Variants in ARID5B observed in about 807,000 individuals in gnomAD.
ARID5B encodes the protein AT-rich interaction domain 5B.
ARID5B carries 13 observed loss-of-function variants against 97.2 expected under a neutral mutation model. The ratio of observed to expected loss-of-function variants is 0.13; its 90% CI spans 0.09 to 0.21. The LOEUF (loss-of-function observed/expected upper bound fraction) is 0.21, where lower values mean the gene tolerates loss of function less well. Ranked by LOEUF, ARID5B falls within the 10% of genes least tolerant of loss-of-function variation. The pLI, the probability that ARID5B is intolerant of heterozygous loss-of-function variation, is 1.00. For missense variants in ARID5B, 1,210 were observed against 1,465.3 expected, an observed-to-expected ratio of 0.83 and a Z score of 2.84; for synonymous variants, 556 against 570.3, an observed-to-expected ratio of 0.97 and a Z score of 0.36.
chr10:61,974,192 A>T (rs1046936215), intron 3 of ARID5B, among the ~76,000 whole-genome samples: 1 of 152,250 alleles, frequency 6.6e-6, no homozygotes, highest in Non-Finnish European at 1.5e-5. Context: ...TTATTTCCGC[A>T]AGACAATGAG....
At chr10:61,913,767 T>C (rs1843849453) in intron 2 of ARID5B, among the ~76,000 whole-genome samples, 1 of 152,224 alleles carries the variant, frequency 6.6e-6, no homozygotes, top group South Asian at 2.1e-4. Context: ...TTGTTTGTTT[T>C]TGAGATGGAG....
chr10:62,027,242 G>GA (rs1839432018), intron 4 of ARID5B, among the ~76,000 whole-genome samples: 2 of 132,268 alleles, frequency 1.5e-5, no homozygotes, highest in Admixed American at 8.0e-5. Flanking sequence ...CCTGCAACAT[G>GA]AAAAGTCTTC....
intron 2 of ARID5B, among the ~76,000 whole-genome samples, chr10:61,903,372 C>A (rs1240193765): frequency 6.6e-6 from 1 of 152,218 alleles, no homozygotes; most frequent in Non-Finnish European, 1.5e-5. Flanking sequence ...CACTGGGCGC[C>A]GGGGCGGCCG....
intron 3 of ARID5B, among the ~76,000 whole-genome samples, chr10:61,988,213 G>A (rs536426431): frequency 2.0e-5 from 3 of 152,334 alleles, no homozygotes; most frequent in African/African-American, 4.8e-5. Context: ...GTTTCCAGTA[G>A]GTTTCATAAG....
chr10:62,006,124 A>G (rs1179664416), intron 4 of ARID5B, among the ~76,000 whole-genome samples: 1 of 152,168 alleles, frequency 6.6e-6, no homozygotes, highest in Non-Finnish European at 1.5e-5. Context: ...GAAATTTTCT[A>G]GAGGTTTTGT....
intron 4 of ARID5B, among the ~76,000 whole-genome samples, chr10:62,035,867 CA>C (rs1447893769): frequency 6.6e-6 from 1 of 152,116 alleles, no homozygotes; most frequent in African/African-American, 2.4e-5. Context: ...TCTTGTCACC[CA>C]GGCTGGAGTG....
intron 2 of ARID5B, among the ~76,000 whole-genome samples, chr10:61,920,795 TG>T (rs561049044): frequency 1.3e-5 from 2 of 152,180 alleles, no homozygotes; most frequent in Non-Finnish European, 2.9e-5. Context: ...CAGGGTACTA[TG>T]GGGGGTGATA....
chr10:61,998,345 T>A (rs562898189), intron 3 of ARID5B, among the ~76,000 whole-genome samples: 2 of 152,200 alleles, frequency 1.3e-5, no homozygotes, highest in African/African-American at 4.8e-5. Flanking sequence ...CCCTGCAGCA[T>A]GGTAAGGGCT....
chr10:61,930,722 AAAATAAAT>A (rs55665606), intron 2 of ARID5B, among the ~76,000 whole-genome samples: 71 of 140,436 alleles, frequency 5.1e-4, no homozygotes, highest in African/African-American at 1.8e-3. Context: ...TCCGCCTCAA[AAAATAAAT>A]AAATAAATAA....
rs1316263671 is a variant in ARID5B, at chr10:62,095,387, G to T, written c.*2357G>T. The stretch of plus-strand genomic sequence containing the variant: ...TTCGTGTCTCAAAAAAAAAAGGAGG[G>T]GGGGCATCTGTCCCCGGTGGAGCTC... On this transcript the variant is annotated 3_prime_UTR_variant, in exon 10 of 10. Coordinates refer to ENST00000279873, the MANE Select transcript of ARID5B (RefSeq NM_032199.3). 2.6e-5 allele frequency: 6 copies of T among 233,384 alleles called. No individual in the cohort carries two copies. The highest frequency in any genetic ancestry group is 5.1e-5 in the Non-Finnish European group (6 of 118,004). 14.5% of individuals were successfully genotyped at this position (233,384 alleles called of 1,614,324 possible). A position where few individuals can be genotyped will look rare whatever the true frequency, so the allele number is the denominator to read the frequency against.
intron 3 of ARID5B, among the ~76,000 whole-genome samples, chr10:61,948,435 C>G (rs542585181): frequency 8.3e-6 from 1 of 120,048 alleles, no homozygotes; most frequent in Non-Finnish European, 1.6e-5. Flanking sequence ...AGGCTGGATT[C>G]GGATCCCTGC....
intron 7 of ARID5B, among the ~76,000 whole-genome samples, chr10:62,065,374 C>T (rs894336191): frequency 1.3e-5 from 2 of 152,192 alleles, no homozygotes; most frequent in African/African-American, 4.8e-5. Context: ...CCATCTCACA[C>T]TCTACCCTCC....
chr10:61,911,647 G>A (rs1168304980), intron 2 of ARID5B, among the ~76,000 whole-genome samples: 1 of 152,176 alleles, frequency 6.6e-6, no homozygotes, highest in African/African-American at 2.4e-5. Flanking sequence ...CACTGCACGA[G>A]CGGCACCCAG....
At chr10:61,983,779 A>G (rs1462860640) in intron 3 of ARID5B, among the ~76,000 whole-genome samples, 1 of 152,042 alleles carries the variant, frequency 6.6e-6, no homozygotes, top group African/African-American at 2.4e-5. Flanking sequence ...AAATATTTAA[A>G]TGGTAGACTA....
chr10:61,950,356 G>C (rs970424097), intron 3 of ARID5B, among the ~76,000 whole-genome samples: 1 of 152,046 alleles, frequency 6.6e-6, no homozygotes, highest in African/African-American at 2.4e-5. Flanking sequence ...CACTGACTCT[G>C]TACCTCAGAT....
rs527651554 is a variant in ARID5B at position 61,950,083 on chromosome 10, C to T, written c.502+9675C>T. Among the ~76,000 whole-genome samples the T allele has an allele frequency of 7.2e-5, 11 of 152,302 alleles. No homozygotes were observed. The South Asian group carries it at 2.3e-3, about 32-fold the overall frequency. On this transcript the variant is annotated intron_variant, in intron 3 of 9. Transcript: ENST00000279873. The stretch of plus-strand genomic sequence containing the variant: ...AGTGCAGTGGTGCGATCTCTGCAGA[C>T]TGCAACCTCTGCCTTCCGGGTTCAA...
At chr10:61,935,454 T>TTC (rs1403216694) in intron 2 of ARID5B, among the ~76,000 whole-genome samples, 2 of 152,100 alleles carry the variant, frequency 1.3e-5, no homozygotes, top group Non-Finnish European at 2.9e-5. Context: ...TTGAGGCTGC[T>TTC]TTAAGAAGCA....
At chr10:61,933,399 T>G (rs1385468398) in intron 2 of ARID5B, among the ~76,000 whole-genome samples, 4 of 152,240 alleles carry the variant, frequency 2.6e-5, no homozygotes, top group Non-Finnish European at 4.4e-5. Context: ...TGAATCTGAA[T>G]GTACTTAATG....
intron 2 of ARID5B, among the ~76,000 whole-genome samples, chr10:61,919,287 A>G (rs1843969665): frequency 6.6e-6 from 1 of 152,144 alleles, no homozygotes. Flanking sequence ...TCCATTTCAA[A>G]AAAGTTTCCT....
Sources: gnomAD v4.1 joint callset for allele counts (sites outside exome capture counted in the v4.1 genomes callset) on GRCh38, gnomAD v4.1.1 for gene constraint, MANE v1.5 for transcripts, NCBI Gene and HGNC (gene_info 2026-07-23, HGNC 2026-07-21) for gene names.